The following DOCK10 variants were observed in gnomAD, a reference collection of about 807,000 sequenced individuals.
DOCK10 encodes the protein dedicator of cytokinesis protein 10.
DOCK10 carries 145 observed loss-of-function variants against 280.1 expected under a neutral mutation model. That is an observed-to-expected ratio of 0.52 (90% CI 0.45 to 0.59). The LOEUF is 0.59. Among genes scored for constraint, DOCK10 ranks in the 20% least tolerant of loss-of-function variants. The probability of loss-of-function intolerance (pLI) is 0.00; values close to 1 mark genes in which losing one functional copy is unlikely to be tolerated. For synonymous variants in DOCK10, 915 were observed against 942.2 expected (o/e 0.97, Z 0.53); for missense variants, 2,368 against 2,651.7 (o/e 0.89, Z 2.35).
chr2:225,026,040 G>A (rs1689911135), intron 1 of DOCK10, among the ~76,000 whole-genome samples: 1 of 152,072 alleles, frequency 6.6e-6, no homozygotes, highest in Non-Finnish European at 1.5e-5. Context: ...CAGAAGAGGG[G>A]CAAATTAGTT....
intron 50 of DOCK10, among the ~76,000 whole-genome samples, chr2:224,783,486 G>A (rs1691503795): frequency 1.3e-5 from 2 of 152,064 alleles, no homozygotes; most frequent in South Asian, 4.2e-4. Flanking sequence ...GTGTTAGCCA[G>A]GATGGTCTTC....
chr2:224,786,377 T>A lies in DOCK10; in HGVS notation c.5655+645A>T, dbSNP rs1691732541. 6.6e-6 allele frequency among the ~76,000 whole-genome samples: 1 copy of A among 152,246 alleles called. No homozygotes were observed. The highest frequency in any genetic ancestry group is 2.4e-5 in the African/African-American group (1 of 41,478). On this transcript the variant is annotated intron_variant, in intron 50 of 55. Coordinates refer to ENST00000258390, the MANE Select transcript of DOCK10 (RefSeq NM_014689.3). This position sits in a 1 kb window ranked among gnomAD's most constrained non-coding sequence, Gnocchi z 4.7. ...GCCTGGGTTTAGCCCATTGAAAATG[T>A]TGCTCAGAGACATTCATAATTAATA... is the stretch of plus-strand genomic sequence containing the variant.
chr2:224,994,810 CTG>C (rs1251467805), intron 1 of DOCK10, among the ~76,000 whole-genome samples: 1 of 152,204 alleles, frequency 6.6e-6, no homozygotes, highest in African/African-American at 2.4e-5. Flanking sequence ...TAAAATAAAT[CTG>C]TGTTTGTTAT....
intron 2 of DOCK10, among the ~76,000 whole-genome samples, chr2:224,930,883 A>G (rs1013060731): frequency 6.6e-6 from 1 of 152,242 alleles, no homozygotes; most frequent in African/African-American, 2.4e-5. Context: ...ATTTAAGACC[A>G]CAAGGTAACA....
chr2:224,960,105 T>C (rs1422072729), intron 1 of DOCK10, among the ~76,000 whole-genome samples: 3 of 152,172 alleles, frequency 2.0e-5, no homozygotes, highest in Non-Finnish European at 4.4e-5. Context: ...AGAGGAATGA[T>C]ATATAAAGGC....
chr2:224,977,374 C>T (rs965583569), intron 1 of DOCK10, among the ~76,000 whole-genome samples: 38 of 152,178 alleles, frequency 2.5e-4, no homozygotes, highest in African/African-American at 8.7e-4. Flanking sequence ...CCTCTTGTGC[C>T]ACCTCTAAAC....
chr2:224,897,422 T>C (rs1700049762), intron 3 of DOCK10, among the ~76,000 whole-genome samples: 1 of 152,188 alleles, frequency 6.6e-6, no homozygotes, highest in Non-Finnish European at 1.5e-5. Flanking sequence ...AATTATACTC[T>C]TTTAGTTATT....
At chr2:224,837,884 G>A (rs745476096) in intron 24 of DOCK10, 53 bp from the exon 25 acceptor site, 106 of 1,382,522 alleles carry the variant, frequency 7.7e-5, no homozygotes, top group Non-Finnish European at 1.0e-4. Flanking sequence ...GAAAAACCCC[G>A]CTTTAGTTTG....
Position 224,774,887 on chromosome 2 carries a change from C to T in DOCK10, c.6013+18G>A, listed in dbSNP as rs1456916937. 1.9e-5 allele frequency: 30 copies of T among 1,567,368 alleles called. No homozygotes were observed. Among genetic ancestry groups the T allele is most frequent in the Non-Finnish European group, 2.5e-5 (29 of 1,155,710 alleles). On this transcript the variant is annotated intron_variant, in intron 52 of 55. Transcript: ENST00000258390. ...CTGGAACAGGTGCCACATGTGTGGC[C>T]CGGCTACCTGCACCTACTTGTCAGG... is the stretch of plus-strand genomic sequence containing the variant.
chr2:224,843,813 T>C (rs1234466119), intron 22 of DOCK10, among the ~76,000 whole-genome samples: 1 of 152,258 alleles, frequency 6.6e-6, no homozygotes, highest in Non-Finnish European at 1.5e-5. Context: ...AATTTAACAA[T>C]GGTAATAATT....
chr2:224,868,553 C>A (rs1698071664), intron 11 of DOCK10, among the ~76,000 whole-genome samples: 1 of 152,160 alleles, frequency 6.6e-6, no homozygotes, highest in African/African-American at 2.4e-5. Context: ...GACTCACTCA[C>A]ACTGTGGGTT....
chr2:224,839,701 C>A (rs1328656655), intron 24 of DOCK10, among the ~76,000 whole-genome samples: 2 of 152,060 alleles, frequency 1.3e-5, no homozygotes, highest in Non-Finnish European at 2.9e-5. Flanking sequence ...TTATGTTTTA[C>A]AATTGCACAT....
intron 52 of DOCK10, among the ~76,000 whole-genome samples, chr2:224,774,657 C>T (rs1053428055): frequency 2.0e-5 from 3 of 152,208 alleles, no homozygotes; most frequent in Admixed American, 2.0e-4. Context: ...CCCCATCACC[C>T]TTCACACTTA....
At position 224,828,411 on chromosome 2, in the gene DOCK10, G is replaced by A. The variant is rs1406576616; in HGVS notation, c.3036+2130C>T. Among the ~76,000 whole-genome samples the A allele has an allele frequency of 4.6e-5, 7 of 152,288 alleles. No individual in the cohort carries two copies. The East Asian group carries it at 5.8e-4, about 13-fold the overall frequency. ...GAGATGGCCTACTTTAAGCAAAGTC[G>A]AAATGTCTGGTTGTCCTGGCAGAGG... On this transcript the variant is annotated intron_variant, in intron 27 of 55. Transcript: ENST00000258390.
rs1410333800 is a variant in DOCK10, at chr2:224,823,441, A to C, written c.3183+60T>G. 1.9e-5 allele frequency: 27 copies of C among 1,397,858 alleles called. No individual in the cohort carries two copies. The South Asian group carries it at 3.4e-4, about 18-fold the overall frequency. The allele number at this position is 1,397,858 out of a possible 1,614,324, so 86.6% of individuals were successfully genotyped here. A position where few individuals can be genotyped will look rare whatever the true frequency, so the allele number is the denominator to read the frequency against. ...AAGATGTGAACTGATGAAAGTTTAG[A>C]CTATCTTGCATCCACCAACATGGGG... On this transcript the variant is annotated intron_variant, in intron 28 of 55. Coordinates refer to ENST00000258390, the MANE Select transcript of DOCK10 (RefSeq NM_014689.3).
intron 15 of DOCK10, 24 bp from the exon 16 acceptor site, chr2:224,855,066 C>CACAA (rs1177049004): frequency 1.7e-5 from 14 of 808,358 alleles, no homozygotes; most frequent in Non-Finnish European, 2.6e-5. Context: ...TGAGCAAGGA[C>CACAA]ACACACACAC....
chr2:225,008,299 G>A (rs747102958), intron 1 of DOCK10, among the ~76,000 whole-genome samples: 6 of 152,120 alleles, frequency 3.9e-5, no homozygotes, highest in African/African-American at 9.7e-5. Context: ...GTGCCCTGCC[G>A]AGAATTCACA....
intron 1 of DOCK10, among the ~76,000 whole-genome samples, chr2:225,019,955 T>A (rs1302947122): frequency 2.0e-5 from 3 of 152,312 alleles, no homozygotes; most frequent in Admixed American, 2.0e-4. Context: ...TGGGTGTAAA[T>A]TGCAAACATA....
intron 50 of DOCK10, among the ~76,000 whole-genome samples, chr2:224,780,928 C>T (rs1350364687): frequency 6.6e-6 from 1 of 151,672 alleles, no homozygotes; most frequent in African/African-American, 2.4e-5. Flanking sequence ...TGCGGCCTTG[C>T]TCATAACCTG....
Sources: allele counts gnomAD v4.1 joint callset (sites outside exome capture counted in the v4.1 genomes callset), GRCh38; gene constraint gnomAD v4.1.1; non-coding constraint Gnocchi (gnomAD v3.1); transcripts MANE v1.5; gene names NCBI Gene and HGNC (gene_info 2026-07-23, HGNC 2026-07-21).